The following IQSEC3 variants were observed in gnomAD, a reference collection of about 807,000 sequenced individuals.
The protein encoded by IQSEC3 is IQ motif and Sec7 domain ArfGEF 3.
In IQSEC3, 50 loss-of-function variants were observed where a neutral mutation model predicts 105.4. The observed-to-expected ratio is 0.47, with a 90% CI of 0.38 to 0.60. The LOEUF is 0.60. Among genes scored for constraint, IQSEC3 ranks in the 20% least tolerant of loss-of-function variants. The pLI is 0.00. For synonymous variants in IQSEC3, 708 were observed against 746.0 expected (o/e 0.95, Z 0.83); for missense variants, 1,415 against 1,630.0 (o/e 0.87, Z 2.27).
intron 1 of IQSEC3, among the ~76,000 whole-genome samples, chr12:80,616 C>G (rs968600763): frequency 7.2e-5 from 11 of 152,108 alleles, no homozygotes; most frequent in African/African-American, 2.7e-4. Context: ...CTGCTGTGTG[C>G]CAGTTACTAT....
In IQSEC3 at chr12:139,310, C is replaced by T. The variant is rs782675916; in HGVS notation, c.1947C>T (p.Thr649=). The T allele has an allele frequency of 1.3e-5, 20 of 1,598,130 alleles. No homozygotes were observed. Among genetic ancestry groups the T allele is most frequent in the Non-Finnish European group, 1.7e-5 (20 of 1,173,248 alleles). ...AGTCGCCCACGCTCTCCACCGACAC[C>T]CTGCGCAAGCGGCTCTACCGCATCG... is the stretch of plus-strand genomic sequence containing the variant. ...SCKSPTLSTD[T]LRKRLYRIGL... The change falls in exon 4 of 14, where the codon ACC becomes ACT. Residue 649 remains threonine (T), a synonymous_variant. Coordinates refer to ENST00000538872, the MANE Select transcript of IQSEC3 (RefSeq NM_001170738.2).
intron 2 of IQSEC3, among the ~76,000 whole-genome samples, chr12:115,222 G>A (rs556888899): frequency 1.3e-5 from 2 of 152,324 alleles, no homozygotes; most frequent in South Asian, 4.1e-4. Flanking sequence ...GGCACCTGTA[G>A]GTCATCAGAT....
At chr12:108,365 T>A (rs1864753906) in intron 2 of IQSEC3, among the ~76,000 whole-genome samples, 1 of 152,232 alleles carries the variant, frequency 6.6e-6, no homozygotes, top group Non-Finnish European at 1.5e-5. Context: ...AGGGCTTGGT[T>A]AAGAGCATGT....
At chr12:147,143 A>G (rs1188186358) in intron 5 of IQSEC3, among the ~76,000 whole-genome samples, 1 of 152,190 alleles carries the variant, frequency 6.6e-6, no homozygotes, top group Non-Finnish European at 1.5e-5. Context: ...TGGAGGAGTC[A>G]GTCTCCTCTG....
chr12:122,168 C>T (rs551364101), intron 2 of IQSEC3, among the ~76,000 whole-genome samples: 5 of 152,314 alleles, frequency 3.3e-5, no homozygotes, highest in East Asian at 1.9e-4. Context: ...TCCCCGAGCA[C>T]GGAGATGGGC....
chr12:163,933 G>C (rs1479476489), intron 9 of IQSEC3, among the ~76,000 whole-genome samples: 2 of 152,152 alleles, frequency 1.3e-5, no homozygotes, highest in Non-Finnish European at 2.9e-5. Context: ...CCCAGGACAG[G>C]GAGTGCACAG....
chr12:141,527 A>C (rs1478088218), intron 5 of IQSEC3: 1 of 486,164 alleles, frequency 2.1e-6, no homozygotes, highest in Non-Finnish European at 3.6e-6. Context: ...CAGCAGGGAT[A>C]CAGAAATGGT....
chr12:146,083 T>C (rs2137017826), intron 5 of IQSEC3, among the ~76,000 whole-genome samples: 1 of 152,370 alleles, frequency 6.6e-6, no homozygotes, highest in South Asian at 2.1e-4. Flanking sequence ...CATGGAAATA[T>C]GTTGGCCAGA....
chr12:169,442 C>T (rs141795261), intron 12 of IQSEC3, among the ~76,000 whole-genome samples: 13 of 152,222 alleles, frequency 8.5e-5, no homozygotes, highest in Admixed American at 2.0e-4. Context: ...GCTGTCTGGA[C>T]GAGGCGAGGT....
chr12:113,270 TCAC>T (rs1864952409), intron 2 of IQSEC3, among the ~76,000 whole-genome samples: 1 of 152,246 alleles, frequency 6.6e-6, no homozygotes, highest in Admixed American at 6.5e-5. Flanking sequence ...TACTTGATTC[TCAC>T]CACAAGGATC....
At chr12:94,066 T>C (rs578020428) in intron 1 of IQSEC3, among the ~76,000 whole-genome samples, 3 of 152,360 alleles carry the variant, frequency 2.0e-5, no homozygotes, top group African/African-American at 7.2e-5. Context: ...TATTCTTTTA[T>C]AGCAACACAG....
chr12:154,474 T>C (rs1866616126), intron 5 of IQSEC3, among the ~76,000 whole-genome samples: 1 of 152,046 alleles, frequency 6.6e-6, no homozygotes, highest in Non-Finnish European at 1.5e-5. Context: ...GACCTCAGCG[T>C]TCAGAAACAG....
chr12:130,127 G>A (rs2136978442), intron 3 of IQSEC3, among the ~76,000 whole-genome samples: 1 of 152,306 alleles, frequency 6.6e-6, no homozygotes, highest in Non-Finnish European at 1.5e-5. Context: ...CTGCACAGCT[G>A]CTCTGTCGCA....
chr12:84,041 C>T (rs782071475), intron 1 of IQSEC3, among the ~76,000 whole-genome samples: 9 of 152,336 alleles, frequency 5.9e-5, no homozygotes, highest in Admixed American at 2.6e-4. Context: ...CTTCAGGATT[C>T]GTGTGTGAGC....
chr12:155,086 G>A (rs1488234548), intron 5 of IQSEC3, among the ~76,000 whole-genome samples: 6 of 152,198 alleles, frequency 3.9e-5, no homozygotes, highest in Admixed American at 3.9e-4. Context: ...ACTCCTGATG[G>A]GCTGGGCTAC....
intron 13 of IQSEC3, among the ~76,000 whole-genome samples, chr12:172,174 G>A (rs1355274775): frequency 6.6e-6 from 1 of 152,104 alleles, no homozygotes; most frequent in East Asian, 1.9e-4. Context: ...TAAGCCCTGG[G>A]AAGCAGCAGG....
chr12:74,313 G>C (rs1555068432), intron 1 of IQSEC3, among the ~76,000 whole-genome samples: 1 of 152,194 alleles, frequency 6.6e-6, no homozygotes. Flanking sequence ...TGTGGTTGTG[G>C]GTTTTCTTCT....
chr12:91,593 G>A (rs1395992764), intron 1 of IQSEC3, among the ~76,000 whole-genome samples: 1 of 152,180 alleles, frequency 6.6e-6, no homozygotes, highest in Non-Finnish European at 1.5e-5. Flanking sequence ...TGGGCAGCAT[G>A]ATGAAACTCT....
At chr12:124,839 C>T (rs1389391784) in intron 2 of IQSEC3, among the ~76,000 whole-genome samples, 2 of 152,226 alleles carry the variant, frequency 1.3e-5, no homozygotes, top group Admixed American at 1.3e-4. Flanking sequence ...CATGTCTGCT[C>T]CAGGCAGCAA....
Sources: gnomAD v4.1 joint callset for allele counts (sites outside exome capture counted in the v4.1 genomes callset) on GRCh38, gnomAD v4.1.1 for gene constraint, MANE v1.5 for transcripts, NCBI Gene and HGNC (gene_info 2026-07-23, HGNC 2026-07-21) for gene names.